Variants in ADAMTS6 observed in about 807,000 individuals in gnomAD.
The protein encoded by ADAMTS6 is A disintegrin and metalloproteinase with thrombospondin motifs 6.
ADAMTS6 carries 23 observed loss-of-function variants against 144.3 expected under a neutral mutation model. That is an observed-to-expected ratio of 0.16 (90% CI 0.11 to 0.23). The LOEUF (loss-of-function observed/expected upper bound fraction) is 0.23. Ranked by LOEUF, ADAMTS6 falls within the 10% of genes least tolerant of loss-of-function variation. The pLI is 1.00. For synonymous variants in ADAMTS6, 444 were observed against 457.5 expected, an observed-to-expected ratio of 0.97 and a Z score of 0.38; for missense variants, 999 against 1,379.6, an observed-to-expected ratio of 0.72 and a Z score of 4.37.
chr5:65,443,122 T>C (rs970522972), intron 7 of ADAMTS6, among the ~76,000 whole-genome samples: 1 of 152,214 alleles, frequency 6.6e-6, no homozygotes, highest in African/African-American at 2.4e-5. Context: ...CTATTGTGAA[T>C]AGTGCTGCAA....
intron 9 of ADAMTS6, among the ~76,000 whole-genome samples, chr5:65,325,143 T>C (rs1746038196): frequency 6.6e-6 from 1 of 150,984 alleles, no homozygotes; most frequent in Non-Finnish European, 1.5e-5. Flanking sequence ...GATGGAGGAG[T>C]GGGGAGGAGG....
At chr5:65,233,148 T>C (rs1449265321) in intron 15 of ADAMTS6, among the ~76,000 whole-genome samples, 1 of 151,014 alleles carries the variant, frequency 6.6e-6, no homozygotes, top group African/African-American at 2.5e-5. Flanking sequence ...AAATTCAACA[T>C]GTTTTCATTA....
At chr5:65,291,588 C>T in intron 10 of ADAMTS6, 118 bp from the exon 11 acceptor site, 1 of 1,070,188 alleles carries the variant, frequency 9.3e-7, no homozygotes, top group South Asian at 2.3e-5. Flanking sequence ...ACAATACATT[C>T]TCCCAATAAA....
chr5:65,243,962 G>A (rs1355490449), intron 14 of ADAMTS6, among the ~76,000 whole-genome samples: 2 of 151,970 alleles, frequency 1.3e-5, no homozygotes, highest in East Asian at 1.9e-4. Flanking sequence ...ATGGAAAAAC[G>A]ACCATGAAAA....
At chr5:65,255,893 A>G (rs1037366383) in intron 14 of ADAMTS6, among the ~76,000 whole-genome samples, 7 of 152,044 alleles carry the variant, frequency 4.6e-5, no homozygotes, top group East Asian at 1.9e-4. Context: ...ATTTTGAGTC[A>G]GGGTCTCACT....
At chr5:65,292,786 A>G (rs1289657528) in intron 10 of ADAMTS6, among the ~76,000 whole-genome samples, 1 of 152,100 alleles carries the variant, frequency 6.6e-6, no homozygotes, top group Non-Finnish European at 1.5e-5. Flanking sequence ...GTACTAATAC[A>G]GATGGATTTT....
At chr5:65,381,879 T>TA (rs1031629504) in intron 7 of ADAMTS6, among the ~76,000 whole-genome samples, 3 of 152,196 alleles carry the variant, frequency 2.0e-5, no homozygotes, top group Admixed American at 6.5e-5. Flanking sequence ...GCTCACTTGA[T>TA]AAATGCCATT....
In ADAMTS6 at chr5:65,406,131, C is replaced by A. The variant is rs187130793; in HGVS notation, c.1073+45344G>T. On this transcript the variant is annotated intron_variant, in intron 7 of 24. Transcript: ENST00000381055. ...ACTTCCTCTTTTCCTAATTGAATACCCTTTATTTCTTTCTCCTGCCTAATT... is the reference window on the plus strand; with the variant it reads ...ACTTCCTCTTTTCCTAATTGAATACACTTTATTTCTTTCTCCTGCCTAATT... Among the ~76,000 whole-genome samples, 4 of 152,162 alleles carry A rather than the reference C, an allele frequency of 2.6e-5. No individual in the cohort carries two copies. In the East Asian group the frequency reaches 5.8e-4, roughly 22 times the overall value.
At chr5:65,389,112 C>G (rs755357444) in intron 7 of ADAMTS6, among the ~76,000 whole-genome samples, 11 of 152,138 alleles carry the variant, frequency 7.2e-5, no homozygotes, top group Non-Finnish European at 1.3e-4. Flanking sequence ...GCTGAGGCAC[C>G]AGAATGGCGT....
chr5:65,472,998 A>G (rs1187761368), intron 2 of ADAMTS6, among the ~76,000 whole-genome samples: 1 of 152,110 alleles, frequency 6.6e-6, no homozygotes, highest in Non-Finnish European at 1.5e-5. Context: ...AAACAAAATG[A>G]CATTTACTCC....
rs1258477987 is a variant in ADAMTS6 at position 65,342,934 on chromosome 5, C to G, written c.1074-8849G>C. Among the ~76,000 whole-genome samples the G allele has an allele frequency of 2.0e-5, 3 of 151,780 alleles. 1 individual carries two copies. The highest frequency in any genetic ancestry group is 2.0e-4 in the Admixed American group (3 of 15,220). ...AACTAGTTGAAAAAAATCCAGAAGA[C>G]AATCCCATTTACAATAGCTACAAAT... On this transcript the variant is annotated intron_variant, in intron 7 of 24. Transcript: ENST00000381055.
chr5:65,435,922 G>C (rs371704956), intron 7 of ADAMTS6, among the ~76,000 whole-genome samples: 1 of 151,638 alleles, frequency 6.6e-6, no homozygotes, highest in Non-Finnish European at 1.5e-5. Flanking sequence ...CACTGCACCC[G>C]GCCTTAAAAT....
intron 22 of ADAMTS6, among the ~76,000 whole-genome samples, chr5:65,174,092 C>T (rs2112093494): frequency 6.6e-6 from 1 of 152,164 alleles, no homozygotes; most frequent in South Asian, 2.1e-4. Flanking sequence ...TCTGGAAGCA[C>T]TGTATATATA....
rs1232563178 is a variant in ADAMTS6, at chr5:65,212,415, T to TTC, written c.2575+2377_2575+2378dup. Among the ~76,000 whole-genome samples the TTC allele has an allele frequency of 6.3e-4, 90 of 142,186 alleles. 2 individuals are homozygous for TTC. The highest frequency in any genetic ancestry group is 8.4e-4 in the Non-Finnish European group (55 of 65,698). 93.3% of individuals were successfully genotyped at this position (142,186 alleles called of 152,430 possible). A position where few individuals can be genotyped will look rare whatever the true frequency, so the allele number is the denominator to read the frequency against. Reference sequence around the variant, plus strand: ...AGAAAGCTCTCCCTTCCAGAGGCTTTTCTCTCTCTTTTTTTTTTTTTTTTT... The same window carrying TTC: ...AGAAAGCTCTCCCTTCCAGAGGCTTTTCTCTCTCTCTTTTTTTTTTTTTTTTT... On this transcript the variant is annotated intron_variant, in intron 20 of 24. Transcript: ENST00000381055.
intron 3 of ADAMTS6, among the ~76,000 whole-genome samples, chr5:65,469,952 AGCATGGAAATTT>A (rs1168124314): frequency 6.6e-6 from 1 of 152,240 alleles, no homozygotes; most frequent in Non-Finnish European, 1.5e-5. Flanking sequence ...CAGAAGAGAA[AGCATGGAAATTT>A]GCTTTGTTTT....
chr5:65,330,654 C>A (rs1050109419), intron 8 of ADAMTS6, among the ~76,000 whole-genome samples: 2 of 152,068 alleles, frequency 1.3e-5, no homozygotes, highest in African/African-American at 4.8e-5. Context: ...AGTTGTGTTT[C>A]TCTGTATTTT....
chr5:65,192,121 G>A (rs1755053217), intron 21 of ADAMTS6, among the ~76,000 whole-genome samples: 1 of 152,018 alleles, frequency 6.6e-6, no homozygotes, highest in South Asian at 2.1e-4. Flanking sequence ...CAATGACTCA[G>A]AATAATGGTT....
chr5:65,394,561 ATGGAT>A (rs1753188080), intron 7 of ADAMTS6, among the ~76,000 whole-genome samples: 2 of 152,204 alleles, frequency 1.3e-5, no homozygotes, highest in Non-Finnish European at 2.9e-5. Flanking sequence ...GAATAATAAC[ATGGAT>A]TGGGTTGAGG....
At chr5:65,199,194 TC>T (rs1299032593) in intron 20 of ADAMTS6, among the ~76,000 whole-genome samples, 1 of 152,134 alleles carries the variant, frequency 6.6e-6, no homozygotes. Flanking sequence ...CCAAAACATA[TC>T]TTGGTTATTT....
Sources: allele counts gnomAD v4.1 joint callset (sites outside exome capture counted in the v4.1 genomes callset), GRCh38; gene constraint gnomAD v4.1.1; transcripts MANE v1.5; gene names NCBI Gene and HGNC (gene_info 2026-07-23, HGNC 2026-07-21).